Variants in ATP1B3 observed in about 807,000 individuals in gnomAD.
ATP1B3 encodes ATPase Na+/K+ transporting subunit beta 3, also known as sodium/potassium-transporting ATPase subunit beta-3.
A neutral mutation model predicts 30.2 loss-of-function variants in ATP1B3; 10 were observed. That is an observed-to-expected ratio of 0.33 (90% confidence interval 0.20 to 0.56). ATP1B3 has a LOEUF of 0.56. Ranked by LOEUF, ATP1B3 falls within the 20% of genes least tolerant of loss-of-function variation. The pLI, the probability that ATP1B3 is intolerant of heterozygous loss-of-function variation, is 0.90. For synonymous variants in ATP1B3, 113 were observed against 117.0 expected, an observed-to-expected ratio of 0.97 and a Z score of 0.22; for missense variants, 238 against 336.7, an observed-to-expected ratio of 0.71 and a Z score of 2.29.
chr3:141,879,549 A>C (rs1221040905), intron 1 of ATP1B3, among the ~76,000 whole-genome samples: 3 of 151,782 alleles, frequency 2.0e-5, no homozygotes, highest in Non-Finnish European at 4.4e-5. Context: ...AGGTGGGTGG[A>C]TCACTTGAGG....
chr3:141,900,686 G>A (rs1934146313), intron 1 of ATP1B3, among the ~76,000 whole-genome samples: 1 of 152,162 alleles, frequency 6.6e-6, no homozygotes, highest in Non-Finnish European at 1.5e-5. Context: ...GCCCAGTGTG[G>A]TTGAGGCAGA....
intron 1 of ATP1B3, among the ~76,000 whole-genome samples, chr3:141,891,847 TA>T (rs778278989): frequency 2.6e-5 from 4 of 152,224 alleles, no homozygotes; most frequent in South Asian, 4.1e-4. Flanking sequence ...TTTGTATTGT[TA>T]ATTTCTAATG....
At position 141,925,552 on chromosome 3, in the gene ATP1B3, G is replaced by A; in HGVS notation, c.691G>A (p.Val231Ile). 1 of 1,609,964 alleles carries A rather than the reference G, an allele frequency of 6.2e-7. No individual in the cohort carries two copies. The highest frequency in any genetic ancestry group is 8.5e-7 in the Non-Finnish European group (1 of 1,178,808). ...CCAGGTTGGGTATCTACAGCCATTG[G>A]TTGCTGTTCAGGTCAGCTTTGCTCC... ...KLHVGYLQPL[V>I]AVQVSFAPNN... Residue 231 changes from valine (V) to isoleucine (I), a missense_variant, in exon 7 of 7, where the codon GTT becomes ATT. This residue lies in a region of ATP1B3 where 50 missense variants were observed against 62.3 expected (regional missense o/e 0.80). Coordinates refer to ENST00000286371, the MANE Select transcript of ATP1B3 (RefSeq NM_001679.4).
chr3:141,904,792 C>A (rs967361988), intron 2 of ATP1B3, among the ~76,000 whole-genome samples: 1 of 144,762 alleles, frequency 6.9e-6, no homozygotes, highest in African/African-American at 2.6e-5. Flanking sequence ...TCACTGCAAC[C>A]TCTGCCTCCC....
In ATP1B3 at chr3:141,902,204, C is replaced by T. The variant is rs1235727097; in HGVS notation, c.110-1416C>T. 3 of 1,289,602 alleles carry T rather than the reference C, an allele frequency of 2.3e-6. No individual in the cohort carries two copies. In the East Asian group the frequency reaches 1.7e-4, roughly 72 times the overall value. 79.9% of individuals were successfully genotyped at this position (1,289,602 alleles called of 1,614,324 possible). On this transcript the variant is annotated intron_variant, in intron 1 of 6. Transcript: ENST00000286371. Reference sequence around the variant, plus strand: ...ATCCTGTTCTCCTCTCTTCTGTCCTCTCCATCCTTATTTTGGCCACCTGGT... The same window carrying T: ...ATCCTGTTCTCCTCTCTTCTGTCCTTTCCATCCTTATTTTGGCCACCTGGT...
intron 1 of ATP1B3, among the ~76,000 whole-genome samples, chr3:141,900,539 T>C (rs1934144434): frequency 6.6e-6 from 1 of 152,166 alleles, no homozygotes; most frequent in South Asian, 2.1e-4. Context: ...TGAACAAACT[T>C]GAGGGTGCAG....
intron 1 of ATP1B3, among the ~76,000 whole-genome samples, chr3:141,895,994 G>A (rs76271811): frequency 0.11 from 16,348 of 152,030 alleles, 1,077 homozygotes; most frequent in Middle Eastern, 0.16. Context: ...ACTTTTTATG[G>A]GCTTATTTTT....
chr3:141,921,736 T>G, intron 5 of ATP1B3: 1 of 316,254 alleles, frequency 3.2e-6, no homozygotes, highest in Non-Finnish European at 5.8e-6. Flanking sequence ...TGAAAGAGAG[T>G]ATAGAGTGTA....
intron 1 of ATP1B3, among the ~76,000 whole-genome samples, chr3:141,882,987 G>A (rs1294003044): frequency 2.0e-5 from 3 of 152,066 alleles, no homozygotes; most frequent in Non-Finnish European, 4.4e-5. Flanking sequence ...GTTCTCAAGG[G>A]CTCCTTAGCA....
At chr3:141,888,803 G>T (rs976775934) in intron 1 of ATP1B3, among the ~76,000 whole-genome samples, 2 of 152,092 alleles carry the variant, frequency 1.3e-5, no homozygotes, top group African/African-American at 4.8e-5. Context: ...CCCTGCGCAC[G>T]CTGTCTTGCT....
chr3:141,925,575 T>A lies in ATP1B3; in HGVS notation c.714T>A (p.Ala238=), dbSNP rs143438922. 6.4e-5 allele frequency: 103 copies of A among 1,613,802 alleles called. 1 individual carries two copies. The East Asian group carries it at 1.9e-3, about 30-fold the overall frequency. ...QPLVAVQVSF[A]PNNTGKEVTV... Reference sequence around the variant, plus strand: ...TGGTTGCTGTTCAGGTCAGCTTTGCTCCTAACAACACTGGGAAAGAAGTAA... The same window carrying A: ...TGGTTGCTGTTCAGGTCAGCTTTGCACCTAACAACACTGGGAAAGAAGTAA... The change falls in exon 7 of 7, where the codon GCT becomes GCA. Residue 238 remains alanine, a synonymous_variant. Coordinates refer to ENST00000286371, the MANE Select transcript of ATP1B3 (RefSeq NM_001679.4).
chr3:141,904,857 G>T (rs1229346542), intron 2 of ATP1B3, among the ~76,000 whole-genome samples: 3 of 151,768 alleles, frequency 2.0e-5, no homozygotes, highest in African/African-American at 7.3e-5. Context: ...TTACAAGCAT[G>T]TGTCACCACG....
chr3:141,902,096 T>G, intron 1 of ATP1B3: 1 of 1,268,812 alleles, frequency 7.9e-7, no homozygotes, highest in Non-Finnish European at 1.0e-6. Flanking sequence ...TAGCAAACTG[T>G]TTACTTCTTT....
chr3:141,876,783 C>G lies in ATP1B3; in HGVS notation c.-19C>G. 6.3e-7 allele frequency: 1 copy of G among 1,584,550 alleles called. No homozygotes were observed. The highest frequency in any genetic ancestry group is 1.1e-5 in the South Asian group (1 of 89,552). On this transcript the variant is annotated 5_prime_UTR_variant, in exon 1 of 7. Transcript: ENST00000286371. Reference sequence around the variant, plus strand: ...CCATCCCCGCGGCCGCAGCTCCTCTCGCCGTCCGCGCGCACACCATGACGA... The same window carrying G: ...CCATCCCCGCGGCCGCAGCTCCTCTGGCCGTCCGCGCGCACACCATGACGA...
intron 3 of ATP1B3, among the ~76,000 whole-genome samples, chr3:141,910,394 T>C (rs1312954257): frequency 6.6e-6 from 1 of 152,178 alleles, no homozygotes; most frequent in Non-Finnish European, 1.5e-5. Flanking sequence ...TTTACTTTTC[T>C]ACATTATCAC....
chr3:141,900,740 T>A (rs1934146932), intron 1 of ATP1B3, among the ~76,000 whole-genome samples: 1 of 152,050 alleles, frequency 6.6e-6, no homozygotes, highest in African/African-American at 2.4e-5. Flanking sequence ...GATGACATGG[T>A]GGTTCCTAAG....
intron 5 of ATP1B3, among the ~76,000 whole-genome samples, chr3:141,921,207 T>C (rs967155170): frequency 1.4e-4 from 21 of 152,334 alleles, no homozygotes; most frequent in African/African-American, 5.1e-4. Context: ...CTCATTAGAA[T>C]TAGGCCCATT....
intron 1 of ATP1B3, among the ~76,000 whole-genome samples, chr3:141,890,287 T>C (rs1210515858): frequency 0.013 from 56 of 4,270 alleles, 3 homozygotes; most frequent in African/African-American, 0.079. Flanking sequence ...TTGTGGGGCT[T>C]TTTTTTTTTT....
chr3:141,898,657 A>C (rs1934111482), intron 1 of ATP1B3, among the ~76,000 whole-genome samples: 1 of 152,244 alleles, frequency 6.6e-6, no homozygotes, highest in African/African-American at 2.4e-5. Context: ...TAAAATGGTG[A>C]AACTGCTTTG....
Sources: allele counts gnomAD v4.1 joint callset (sites outside exome capture counted in the v4.1 genomes callset), GRCh38; gene constraint gnomAD v4.1.1; regional missense constraint gnomAD v4.1.1; transcripts MANE v1.5; gene names NCBI Gene and HGNC (gene_info 2026-07-23, HGNC 2026-07-21).